DENND2B: variants seen among roughly 807,000 people sequenced by gnomAD.
The protein encoded by DENND2B is DENN domain-containing protein 2B.
Under a neutral mutation model 116.0 loss-of-function variants are expected in DENND2B, and 32 were observed. The observed-to-expected ratio is 0.28, with a 90% CI of 0.21 to 0.37. DENND2B has a LOEUF of 0.37. DENND2B is among the 10% of genes least tolerant of loss of function. The probability of loss-of-function intolerance (pLI) is 1.00; values close to 1 mark genes in which losing one functional copy is unlikely to be tolerated. For synonymous variants in DENND2B, 588 were observed against 583.9 expected, an observed-to-expected ratio of 1.01 and a Z score of -0.10; for missense variants, 1,276 against 1,477.7, an observed-to-expected ratio of 0.86 and a Z score of 2.24.
At chr11:8,745,151 C>T (rs550043031) in intron 2 of DENND2B, among the ~76,000 whole-genome samples, 1 of 152,162 alleles carries the variant, frequency 6.6e-6, no homozygotes, top group Non-Finnish European at 1.5e-5. Flanking sequence ...AATTCCCAGG[C>T]TCAAGTGATC....
chr11:8,885,315 T>G (rs982273), intron 1 of DENND2B, among the ~76,000 whole-genome samples: 48,502 of 152,214 alleles, frequency 0.32, 8,691 homozygotes, highest in Middle Eastern at 0.52. Context: ...CTGCCTATAG[T>G]TCTAGTGCTG....
At chr11:8,694,256 GTGATC>G in intron 19 of DENND2B, 126 bp from the exon 20 acceptor site, 1 of 1,122,424 alleles carries the variant, frequency 8.9e-7, no homozygotes, top group Non-Finnish European at 1.3e-6. Context: ...GATTATAACT[GTGATC>G]TGATCCAGGG....
In DENND2B at chr11:8,750,768, GC is replaced by G. The variant is rs766388020; in HGVS notation, c.-25-44del. 14 of 1,583,334 alleles carry G rather than the reference GC, an allele frequency of 8.8e-6. No individual in the cohort carries two copies. The African/African-American group carries it at 1.9e-4, about 21-fold the overall frequency. On this transcript the variant is annotated intron_variant, in intron 1 of 19. Coordinates refer to ENST00000313726, the MANE Select transcript of DENND2B (RefSeq NM_213618.2). ...CCGGTAAGCCAAGTTTCTATAGGCA[GC>G]CAAAAGCACCTTGAACATCTTCCAG...
At chr11:8,827,111 C>T (rs902491003) in intron 4 of DENND2B, among the ~76,000 whole-genome samples, 3 of 152,240 alleles carry the variant, frequency 2.0e-5, no homozygotes, top group African/African-American at 7.2e-5. Context: ...TTGAGCACCA[C>T]TTAGCCTTTT....
chr11:8,739,729 G>C (rs1776627124), intron 2 of DENND2B, among the ~76,000 whole-genome samples: 1 of 152,224 alleles, frequency 6.6e-6, no homozygotes, highest in Non-Finnish European at 1.5e-5. Flanking sequence ...TTTAAGGAGA[G>C]ATGAAGTAAG....
At chr11:8,864,859 A>G (rs1035138622) in intron 2 of DENND2B, among the ~76,000 whole-genome samples, 4 of 152,192 alleles carry the variant, frequency 2.6e-5, no homozygotes, top group South Asian at 2.1e-4. Context: ...GGAAGAATGG[A>G]ACAAGACGGA....
intron 1 of DENND2B, among the ~76,000 whole-genome samples, chr11:8,761,846 C>T (rs1433733857): frequency 6.6e-6 from 1 of 152,198 alleles, no homozygotes; most frequent in African/African-American, 2.4e-5. Context: ...CGTTTTACCA[C>T]AGATAGCTTA....
chr11:8,726,817 T>C (rs944013659), intron 3 of DENND2B, among the ~76,000 whole-genome samples: 1 of 151,922 alleles, frequency 6.6e-6, no homozygotes, highest in Non-Finnish European at 1.5e-5. Context: ...TGTCAGGGGG[T>C]TGGAAAAGCA....
rs1184963219 is a variant in DENND2B at position 8,706,816 on chromosome 11, G to A, written c.2571+269C>T. On this transcript the variant is annotated intron_variant, in intron 13 of 19. Transcript: ENST00000313726. ...CTGATTGTGAGATGGCACACATTCAGTAACTGTTCAATGAATGAACAAAAG... is the reference window on the plus strand; with the variant it reads ...CTGATTGTGAGATGGCACACATTCAATAACTGTTCAATGAATGAACAAAAG... Among the ~76,000 whole-genome samples the A allele has an allele frequency of 2.8e-4, 43 of 152,222 alleles. 1 individual carries two copies.
intron 1 of DENND2B, among the ~76,000 whole-genome samples, chr11:8,764,263 G>A (rs185264689): frequency 6.6e-6 from 1 of 152,086 alleles, no homozygotes; most frequent in African/African-American, 2.4e-5. Context: ...AAGCAGTAGA[G>A]GGTAGAGGGT....
At chr11:8,862,604 G>C (rs933122875) in intron 2 of DENND2B, among the ~76,000 whole-genome samples, 1 of 152,044 alleles carries the variant, frequency 6.6e-6, no homozygotes, top group Admixed American at 6.6e-5. Context: ...CAGAGTGCTG[G>C]GATTACAGGT....
chr11:8,897,942 T>C (rs1227052046), intron 1 of DENND2B, among the ~76,000 whole-genome samples: 1 of 152,098 alleles, frequency 6.6e-6, no homozygotes, highest in Non-Finnish European at 1.5e-5. Flanking sequence ...AGCTAATTTT[T>C]TAAAAATTTC....
intron 1 of DENND2B, chr11:8,776,107 T>C: frequency 2.4e-6 from 1 of 412,922 alleles, no homozygotes; most frequent in Non-Finnish European, 4.9e-6. Context: ...CACACAGAGA[T>C]ACACAGACTT....
At chr11:8,716,305 G>T (rs964949693) in intron 5 of DENND2B, among the ~76,000 whole-genome samples, 3 of 152,168 alleles carry the variant, frequency 2.0e-5, no homozygotes, top group African/African-American at 7.2e-5. Flanking sequence ...GAACACAGGG[G>T]CTCTGGGCTC....
intron 1 of DENND2B, chr11:8,808,472 T>A (rs892533904): frequency 6.6e-6 from 1 of 152,236 alleles, no homozygotes; most frequent in African/African-American, 2.4e-5. Context: ...TCCAGTTTTA[T>A]GGCAAACATC....
At chr11:8,909,435 G>GA (rs2064283602) in intron 1 of DENND2B, among the ~76,000 whole-genome samples, 4 of 42,016 alleles carry the variant, frequency 9.5e-5, no homozygotes, top group Admixed American at 7.6e-4. Flanking sequence ...GGAGGAGGAG[G>GA]AGGAAGAAGG....
In DENND2B at chr11:8,731,194, A is replaced by T; in HGVS notation, c.96T>A (p.Ser32=). 6.6e-7 allele frequency: 1 copy of T among 1,509,498 alleles called. No homozygotes were observed. The highest frequency in any genetic ancestry group is 8.9e-7 in the Non-Finnish European group (1 of 1,129,828). 93.5% of individuals were successfully genotyped at this position (1,509,498 alleles called of 1,614,324 possible). ...RGTLSRSQSV[S]PPPVLSPPRS... ...TTGGTGGGGAGAGAACTGGAGGTGGAGAGACTGACTGAGACCTGGGGGCAA... is the reference window on the plus strand; with the variant it reads ...TTGGTGGGGAGAGAACTGGAGGTGGTGAGACTGACTGAGACCTGGGGGCAA... Residue 32 remains serine (S), a synonymous_variant, in exon 3 of 20, where the codon TCT becomes TCA. Transcript: ENST00000313726.
intron 13 of DENND2B, among the ~76,000 whole-genome samples, chr11:8,705,552 A>G (rs928690109): frequency 2.0e-5 from 3 of 151,714 alleles, no homozygotes; most frequent in Non-Finnish European, 4.4e-5. Flanking sequence ...TCTCTTCCCT[A>G]TTTACACTCT....
chr11:8,819,430 A>G (rs558533418), intron 4 of DENND2B, among the ~76,000 whole-genome samples: 2 of 152,306 alleles, frequency 1.3e-5, no homozygotes, highest in African/African-American at 4.8e-5. Flanking sequence ...AAAATGGGAT[A>G]TTTGTGTAAC....
Sources: allele counts gnomAD v4.1 joint callset (sites outside exome capture counted in the v4.1 genomes callset), GRCh38; gene constraint gnomAD v4.1.1; transcripts MANE v1.5; gene names NCBI Gene and HGNC (gene_info 2026-07-23, HGNC 2026-07-21).